The following IGSF21 variants were observed in gnomAD, a reference collection of about 807,000 sequenced individuals.
IGSF21 encodes immunoglobin superfamily member 21.
IGSF21 carries 28 observed loss-of-function variants against 46.8 expected under a neutral mutation model. The ratio of observed to expected loss-of-function variants is 0.60; its 90% CI spans 0.44 to 0.82. IGSF21 has a LOEUF of 0.82. Ranked by LOEUF, IGSF21 falls within the 40% of genes least tolerant of loss-of-function variation. IGSF21 has a pLI of 0.00. For missense variants in IGSF21, 624 were observed against 665.5 expected, an observed-to-expected ratio of 0.94 and a Z score of 0.69; for synonymous variants, 284 against 273.6, an observed-to-expected ratio of 1.04 and a Z score of -0.38.
chr1:18,208,273 G>T (rs905315732), intron 1 of IGSF21, among the ~76,000 whole-genome samples: 7 of 150,428 alleles, frequency 4.7e-5, no homozygotes, highest in Admixed American at 3.3e-4. Context: ...CAGTTCCCCT[G>T]GGAAGGAATG....
chr1:18,167,981 G>A (rs113155084), intron 1 of IGSF21, among the ~76,000 whole-genome samples: 5 of 152,220 alleles, frequency 3.3e-5, no homozygotes, highest in African/African-American at 1.2e-4. Flanking sequence ...CTCTACCGCA[G>A]GAACACCTGC....
At chr1:18,324,791 C>T (rs2085641715) in intron 3 of IGSF21, among the ~76,000 whole-genome samples, 1 of 152,168 alleles carries the variant, frequency 6.6e-6, no homozygotes, top group South Asian at 2.1e-4. Flanking sequence ...TGTGTCCCTA[C>T]TGTGTCCCTG....
intron 1 of IGSF21, among the ~76,000 whole-genome samples, chr1:18,203,383 A>G (rs2087095927): frequency 6.6e-6 from 1 of 152,146 alleles, no homozygotes; most frequent in Non-Finnish European, 1.5e-5. Context: ...ATCTTGGCTC[A>G]CTGTAGCCAC....
At chr1:18,186,921 C>G (rs2086908314) in intron 1 of IGSF21, among the ~76,000 whole-genome samples, 1 of 152,160 alleles carries the variant, frequency 6.6e-6, no homozygotes, top group South Asian at 2.1e-4. Flanking sequence ...GATCTATGCT[C>G]TCATAGCATC....
At chr1:18,253,730 C>T (rs139156209) in intron 2 of IGSF21, among the ~76,000 whole-genome samples, 2 of 152,238 alleles carry the variant, frequency 1.3e-5, no homozygotes, top group African/African-American at 4.8e-5. Context: ...TGGGAAACAC[C>T]CTCTCTGCTT....
intron 2 of IGSF21, among the ~76,000 whole-genome samples, chr1:18,230,763 G>A (rs573320052): frequency 1.3e-5 from 2 of 151,980 alleles, no homozygotes. Context: ...ACCAAGATGG[G>A]GGCTCCAGGA....
At chr1:18,303,676 T>C (rs950616710) in intron 3 of IGSF21, among the ~76,000 whole-genome samples, 10 of 152,214 alleles carry the variant, frequency 6.6e-5, no homozygotes, top group African/African-American at 2.2e-4. Flanking sequence ...TAGAAGTGTT[T>C]GTTTATTAAC....
chr1:18,298,835 C>T (rs995979007), intron 3 of IGSF21, among the ~76,000 whole-genome samples: 1 of 152,226 alleles, frequency 6.6e-6, no homozygotes, highest in East Asian at 1.9e-4. Flanking sequence ...CTGTTCCTCT[C>T]CCTTCACGCC....
At chr1:18,331,323 A>T (rs2085710889) in intron 3 of IGSF21, among the ~76,000 whole-genome samples, 1 of 150,674 alleles carries the variant, frequency 6.6e-6, no homozygotes, top group African/African-American at 2.4e-5. Flanking sequence ...GCATCCTCCT[A>T]GCTTAGCTCC....
intron 2 of IGSF21, among the ~76,000 whole-genome samples, chr1:18,288,428 G>A (rs568171371): frequency 6.6e-6 from 1 of 152,334 alleles, no homozygotes; most frequent in South Asian, 2.1e-4. Flanking sequence ...ATTGTGGACT[G>A]TGTACCTCTT....
intron 1 of IGSF21, among the ~76,000 whole-genome samples, chr1:18,128,048 T>C (rs1349869898): frequency 1.3e-5 from 2 of 152,234 alleles, no homozygotes; most frequent in African/African-American, 2.4e-5. Context: ...AGATTAGTGA[T>C]ACTCTTGGAT....
intron 3 of IGSF21, among the ~76,000 whole-genome samples, chr1:18,294,187 T>C (rs1261849955): frequency 6.6e-6 from 1 of 152,108 alleles, no homozygotes; most frequent in Admixed American, 6.5e-5. Context: ...CACAGTTGAG[T>C]TTCCTGACCT....
intron 2 of IGSF21, among the ~76,000 whole-genome samples, chr1:18,267,156 T>C (rs1557615051): frequency 1.3e-5 from 2 of 152,118 alleles, no homozygotes; most frequent in African/African-American, 4.8e-5. Context: ...TGGGAATGGG[T>C]TGTCTAATAG....
At chr1:18,292,796 T>C (rs1025502341) in intron 3 of IGSF21, among the ~76,000 whole-genome samples, 15 of 151,976 alleles carry the variant, frequency 9.9e-5, no homozygotes, top group African/African-American at 3.6e-4. Flanking sequence ...GCTGAACTGA[T>C]CCCCCAAAGC....
chr1:18,159,742 G>C (rs577818412), intron 1 of IGSF21, among the ~76,000 whole-genome samples: 3 of 151,250 alleles, frequency 2.0e-5, no homozygotes, highest in Admixed American at 6.6e-5. Context: ...GAGTGCAGTG[G>C]TGTGATCTCG....
chr1:18,151,162 A>C (rs2086518740), intron 1 of IGSF21, among the ~76,000 whole-genome samples: 1 of 152,186 alleles, frequency 6.6e-6, no homozygotes, highest in South Asian at 2.1e-4. Context: ...TCTCTGTTCA[A>C]ATCTTCCCTT....
At chr1:18,143,529 C>T (rs534715064) in intron 1 of IGSF21, among the ~76,000 whole-genome samples, 4 of 152,158 alleles carry the variant, frequency 2.6e-5, no homozygotes, top group Non-Finnish European at 5.9e-5. Context: ...CCTCGCTTTC[C>T]TTGTCAGTGT....
intron 4 of IGSF21, among the ~76,000 whole-genome samples, chr1:18,357,891 T>C (rs2086038663): frequency 6.6e-6 from 1 of 152,148 alleles, no homozygotes; most frequent in Non-Finnish European, 1.5e-5. Flanking sequence ...AGCTCTGCTA[T>C]GTCATCGTCC....
rs199791131 is a variant in IGSF21 at position 18,304,695 on chromosome 1, CTACACACACACA to C, written c.305+12721_305+12732del. 6.6e-4 allele frequency among the ~76,000 whole-genome samples: 95 copies of C among 144,172 alleles called. No individual in the cohort carries two copies. The Middle Eastern group carries it at 0.01, about 16-fold the overall frequency. The allele number at this position is 144,172 out of a possible 152,430, so 94.6% of individuals were successfully genotyped here. On this transcript the variant is annotated intron_variant, in intron 3 of 9. Transcript: ENST00000251296. ...GGAAACCAGAGCTGTTGGAAATTAT[CTACACACACACA>C]TACACACACACACACACACACATAC...
Sources: allele counts gnomAD v4.1 joint callset (sites outside exome capture counted in the v4.1 genomes callset), GRCh38; gene constraint gnomAD v4.1.1; transcripts MANE v1.5; gene names NCBI Gene and HGNC (gene_info 2026-07-23, HGNC 2026-07-21).